The following ITGA2 variants were observed in gnomAD, a reference collection of about 807,000 sequenced individuals.
ITGA2 encodes integrin alpha-2.
In ITGA2, 101 loss-of-function variants were observed where a neutral mutation model predicts 146.3. The observed-to-expected ratio is 0.69, with a 90% CI of 0.59 to 0.81. The LOEUF (loss-of-function observed/expected upper bound fraction) is 0.81, where lower values mean the gene tolerates loss of function less well. ITGA2 is among the 40% of genes least tolerant of loss of function. ITGA2 has a pLI of 0.00. For synonymous variants in ITGA2, 477 were observed against 487.1 expected (o/e 0.98, Z 0.27); for missense variants, 1,281 against 1,402.7 (o/e 0.91, Z 1.39).
chr5:53,067,366 ATAGAC>A, intron 16 of ITGA2, 109 bp downstream of exon 16: 3 of 1,192,140 alleles, frequency 2.5e-6, no homozygotes, highest in Non-Finnish European at 3.7e-6. Context: ...GGTTTTAGTT[ATAGAC>A]ACTTAAGTTT....
At chr5:53,080,472 A>G (rs371426652) in intron 24 of ITGA2, 39 bp from the exon 25 acceptor site, 1 of 1,478,892 alleles carries the variant, frequency 6.8e-7, no homozygotes, top group Admixed American at 1.7e-5. Context: ...CATCATGTAC[A>G]TCCTGTTGCA....
At chr5:53,056,792 G>A (rs908388017) in intron 9 of ITGA2, among the ~76,000 whole-genome samples, 1 of 151,598 alleles carries the variant, frequency 6.6e-6, no homozygotes, top group Non-Finnish European at 1.5e-5. Flanking sequence ...CTCACTGTGT[G>A]GGGGACTAGC....
intron 8 of ITGA2, 94 bp from the exon 9 acceptor site, chr5:53,055,890 C>T: frequency 7.4e-7 from 1 of 1,347,808 alleles, no homozygotes; most frequent in Non-Finnish European, 1.1e-6. Flanking sequence ...TTTACTTTTC[C>T]AGAGGGAATA....
At chr5:53,081,903 A>G (rs751161199) in intron 26 of ITGA2, among the ~76,000 whole-genome samples, 4 of 152,226 alleles carry the variant, frequency 2.6e-5, no homozygotes, top group African/African-American at 7.2e-5. Flanking sequence ...CCAACCTAAT[A>G]TGTGGTCAAA....
At chr5:53,066,124 A>G (rs1579879328) in intron 15 of ITGA2, 147 bp downstream of exon 15, 2 of 820,782 alleles carry the variant, frequency 2.4e-6, no homozygotes, top group East Asian at 2.6e-5. Context: ...CAAAGGAATA[A>G]ATGTGTTTTT....
intron 1 of ITGA2, among the ~76,000 whole-genome samples, chr5:52,997,825 A>G (rs936576215): frequency 1.3e-5 from 2 of 152,202 alleles, no homozygotes; most frequent in Admixed American, 6.5e-5. Flanking sequence ...CTTCTAAACC[A>G]TATTCTGAAT....
chr5:53,040,608 G>A (rs1448877066), intron 2 of ITGA2, among the ~76,000 whole-genome samples: 1 of 151,978 alleles, frequency 6.6e-6, no homozygotes, highest in African/African-American at 2.4e-5. Flanking sequence ...TATTTTAAAA[G>A]GTAAATTATG....
chr5:53,071,974 G>T lies in ITGA2; in HGVS notation c.2272G>T (p.Val758Leu). 1 of 1,612,358 alleles carries T rather than the reference G, an allele frequency of 6.2e-7. No individual in the cohort carries two copies. ...TGTTGTCAACTCTTTGGATTTGCGTGTGGACATCAGTCTGGAAAACCCTGG... is the reference window on the plus strand; with the variant it reads ...TGTTGTCAACTCTTTGGATTTGCGTTTGGACATCAGTCTGGAAAACCCTGG... ...SDVVNSLDLR[V>L]DISLENPGTS... The change falls in exon 18 of 30, where the codon GTG becomes TTG. Residue 758 changes from valine (V) to leucine (L), a missense_variant. Physicochemically the swap from Val to Leu is conservative, Grantham distance 32. This residue lies in a region of ITGA2 where 475 missense variants were observed against 530.5 expected (regional missense o/e 0.90). Transcript: ENST00000296585.
At chr5:53,049,533 C>T (rs558582595) in intron 6 of ITGA2, among the ~76,000 whole-genome samples, 21 of 152,236 alleles carry the variant, frequency 1.4e-4, no homozygotes, top group African/African-American at 5.1e-4. Context: ...AGTTATTTAT[C>T]ATATTCCAGT....
chr5:53,072,653 T>C lies in ITGA2; in HGVS notation c.2387T>C (p.Ile796Thr), dbSNP rs772127855. Residue 796 changes from isoleucine (I) to threonine (T), a missense_variant, in exon 19 of 30, where the codon ATT (isoleucine) becomes ACT (threonine). Coordinates refer to ENST00000296585, the MANE Select transcript of ITGA2 (RefSeq NM_002203.4). ...HKDCGEDGLC[I>T]SDLVLDVRQI... ...GACTGTGGTGAGGACGGACTTTGCATTTCTGATCTAGTCCTAGATGTCCGA... is the reference window on the plus strand; with the variant it reads ...GACTGTGGTGAGGACGGACTTTGCACTTCTGATCTAGTCCTAGATGTCCGA... The C allele has an allele frequency of 2.4e-5, 38 of 1,611,062 alleles. No individual in the cohort carries two copies. Among genetic ancestry groups the C allele is most frequent in the Non-Finnish European group, 2.9e-5 (34 of 1,178,664 alleles).
intron 1 of ITGA2, among the ~76,000 whole-genome samples, chr5:53,017,408 C>T (rs1226709614): frequency 6.6e-6 from 1 of 152,038 alleles, no homozygotes; most frequent in Non-Finnish European, 1.5e-5. Context: ...TGGCATTGGG[C>T]CCCCCCGCTT....
chr5:53,058,537 G>C (rs897292324), intron 10 of ITGA2, among the ~76,000 whole-genome samples: 1 of 151,764 alleles, frequency 6.6e-6, no homozygotes, highest in Non-Finnish European at 1.5e-5. Context: ...AAAATAAGGA[G>C]GTAGGAAAAA....
At chr5:53,024,471 A>G (rs1327914003) in intron 1 of ITGA2, among the ~76,000 whole-genome samples, 1 of 152,222 alleles carries the variant, frequency 6.6e-6, no homozygotes, top group Non-Finnish European at 1.5e-5. Flanking sequence ...CTAGGTGCTG[A>G]GAAAGTAAGA....
intron 1 of ITGA2, among the ~76,000 whole-genome samples, chr5:53,019,781 C>T (rs1159109840): frequency 2.0e-5 from 3 of 152,158 alleles, no homozygotes; most frequent in African/African-American, 7.2e-5. Context: ...CCACCTCGGC[C>T]TCCCAAAGTA....
intron 16 of ITGA2, among the ~76,000 whole-genome samples, chr5:53,068,495 A>G (rs1291185990): frequency 6.6e-6 from 1 of 151,906 alleles, no homozygotes; most frequent in African/African-American, 2.4e-5. Flanking sequence ...TGTCTCATGT[A>G]TCTTCCCTTT....
At chr5:53,018,185 T>G (rs1742491676) in intron 1 of ITGA2, among the ~76,000 whole-genome samples, 1 of 152,144 alleles carries the variant, frequency 6.6e-6, no homozygotes, top group Non-Finnish European at 1.5e-5. Flanking sequence ...GGTCCAACAG[T>G]CACCCTAAGG....
At chr5:53,064,573 T>TG (rs1195382768) in intron 13 of ITGA2, among the ~76,000 whole-genome samples, 2 of 151,946 alleles carry the variant, frequency 1.3e-5, no homozygotes, top group Non-Finnish European at 2.9e-5. Context: ...GATGGGGACT[T>TG]GCTCTGTCAC....
At chr5:52,994,582 C>T (rs921537481) in intron 1 of ITGA2, among the ~76,000 whole-genome samples, 1 of 152,170 alleles carries the variant, frequency 6.6e-6, no homozygotes. Flanking sequence ...CAACTACAGC[C>T]ATCTTGCAAC....
chr5:53,065,064 T>C lies in ITGA2; in HGVS notation c.1755T>C (p.Ala585=), dbSNP rs747278705. ...CACTAGAAAATCAGAATTCTGGAGC[T>C]GTATACATTTACAATGGTCATCAGG... ...GSPLENQNSG[A]VYIYNGHQGT... The change falls in exon 14 of 30, where the codon GCT becomes GCC. Residue 585 remains alanine, a synonymous_variant. Coordinates refer to ENST00000296585, the MANE Select transcript of ITGA2 (RefSeq NM_002203.4). 5 of 1,612,792 alleles carry C rather than the reference T, an allele frequency of 3.1e-6. No homozygotes were observed. The South Asian group carries it at 5.5e-5, about 18-fold the overall frequency.
Sources: allele counts gnomAD v4.1 joint callset (sites outside exome capture counted in the v4.1 genomes callset), GRCh38; gene constraint gnomAD v4.1.1; regional missense constraint gnomAD v4.1.1; transcripts MANE v1.5; gene names NCBI Gene and HGNC (gene_info 2026-07-23, HGNC 2026-07-21).